The following AGBL3 variants were observed in gnomAD, a reference collection of about 807,000 sequenced individuals.
AGBL3 encodes the protein AGBL carboxypeptidase 3, also known as cytosolic carboxypeptidase 3.
AGBL3 carries 68 observed loss-of-function variants against 94.5 expected under a neutral mutation model. The ratio of observed to expected loss-of-function variants is 0.72; its 90% CI spans 0.59 to 0.88. The LOEUF (loss-of-function observed/expected upper bound fraction) is 0.88, where lower values mean the gene tolerates loss of function less well. Ranked by LOEUF, AGBL3 falls within the 40% of genes least tolerant of loss-of-function variation. The probability of loss-of-function intolerance (pLI) is 0.00; values close to 1 mark genes in which losing one functional copy is unlikely to be tolerated. For missense variants in AGBL3, 934 were observed against 1,103.8 expected (o/e 0.85, Z 2.18); for synonymous variants, 354 against 370.7 (o/e 0.95, Z 0.52).
chr7:134,996,938 C>G (rs189746502), intron 4 of AGBL3, among the ~76,000 whole-genome samples: 1 of 152,232 alleles, frequency 6.6e-6, no homozygotes, highest in Non-Finnish European at 1.5e-5. Context: ...TTCAGAGAAG[C>G]CATTATACTC....
At chr7:135,119,498 G>A (rs969948780) in intron 16 of AGBL3, among the ~76,000 whole-genome samples, 29 of 151,732 alleles carry the variant, frequency 1.9e-4, no homozygotes, top group Non-Finnish European at 3.7e-4. Context: ...CCAAAGTGCT[G>A]GGATTACAGG....
intron 15 of AGBL3, among the ~76,000 whole-genome samples, chr7:135,101,932 G>A (rs577428458): frequency 1.3e-5 from 2 of 152,216 alleles, no homozygotes; most frequent in East Asian, 1.9e-4. Context: ...TAAGTCTCAC[G>A]AGATCCGTTG....
rs566041696 is a variant in AGBL3 at position 135,118,767 on chromosome 7, T to C, written c.2342+3156T>C. Reference sequence around the variant, plus strand: ...ATTAAAATGCTTCAAAAAACACTTATAAACACACTTGGAAGAAATAAAAAA... The same window carrying C: ...ATTAAAATGCTTCAAAAAACACTTACAAACACACTTGGAAGAAATAAAAAA... On this transcript the variant is annotated intron_variant, in intron 16 of 16. Coordinates refer to ENST00000436302, the MANE Select transcript of AGBL3 (RefSeq NM_178563.4). 2.0e-3 allele frequency among the ~76,000 whole-genome samples: 304 copies of C among 152,130 alleles called. 1 individual carries two copies. Among genetic ancestry groups the C allele is most frequent in the African/African-American group, 6.9e-3 (287 of 41,514 alleles).
chr7:135,018,159 A>T (rs1814020859), intron 5 of AGBL3, among the ~76,000 whole-genome samples: 1 of 152,200 alleles, frequency 6.6e-6, no homozygotes, highest in South Asian at 2.1e-4. Flanking sequence ...AACAGAGGAG[A>T]ACCATGTCTG....
intron 15 of AGBL3, among the ~76,000 whole-genome samples, chr7:135,095,703 T>A (rs1289233617): frequency 6.6e-6 from 1 of 152,224 alleles, no homozygotes; most frequent in Non-Finnish European, 1.5e-5. Flanking sequence ...TTACCCACCA[T>A]TCAAAGTCAC....
chr7:135,103,172 C>T (rs1044603565), intron 15 of AGBL3, among the ~76,000 whole-genome samples: 4 of 152,172 alleles, frequency 2.6e-5, no homozygotes, highest in East Asian at 3.9e-4. Flanking sequence ...TTCTTTGGAA[C>T]GTGCTTCACC....
At chr7:135,133,163 C>T (rs773798702) in intron 16 of AGBL3, among the ~76,000 whole-genome samples, 1 of 152,088 alleles carries the variant, frequency 6.6e-6, no homozygotes, top group Non-Finnish European at 1.5e-5. Flanking sequence ...AAATTAATTG[C>T]TCTTCTATAA....
intron 16 of AGBL3, chr7:135,129,346 TACTAA>T: frequency 3.8e-6 from 4 of 1,065,522 alleles, no homozygotes; most frequent in African/African-American, 3.1e-5. Context: ...TTAATAGACT[TACTAA>T]ATGAATACCT....
At chr7:135,095,626 C>T (rs1260567689) in intron 15 of AGBL3, among the ~76,000 whole-genome samples, 3 of 152,188 alleles carry the variant, frequency 2.0e-5, no homozygotes, top group Non-Finnish European at 1.5e-5. Flanking sequence ...GTTATCTTTG[C>T]TTTCAGTTCC....
At chr7:135,098,888 A>T (rs1823329458) in intron 15 of AGBL3, among the ~76,000 whole-genome samples, 1 of 152,192 alleles carries the variant, frequency 6.6e-6, no homozygotes, top group African/African-American at 2.4e-5. Flanking sequence ...CAATAATAAT[A>T]TGACATATAA....
chr7:134,999,934 GCT>G (rs1352001520), intron 4 of AGBL3, among the ~76,000 whole-genome samples: 1 of 152,168 alleles, frequency 6.6e-6, no homozygotes, highest in African/African-American at 2.4e-5. Context: ...CAACCTAGTA[GCT>G]CTCTTTCAAT....
chr7:135,020,016 T>A (rs1007536036), intron 5 of AGBL3, among the ~76,000 whole-genome samples: 1 of 152,088 alleles, frequency 6.6e-6, no homozygotes, highest in Non-Finnish European at 1.5e-5. Flanking sequence ...GGATTTCATG[T>A]CTAAAACACC....
intron 4 of AGBL3, chr7:135,011,068 A>G (rs1813093688): frequency 6.6e-6 from 1 of 152,202 alleles, no homozygotes; most frequent in South Asian, 2.1e-4. Context: ...TTATAGTAAT[A>G]TATGGCATTG....
chr7:135,086,278 A>C, intron 15 of AGBL3, among the ~76,000 whole-genome samples: 1 of 152,056 alleles, frequency 6.6e-6, no homozygotes, highest in East Asian at 1.9e-4. Context: ...AAACAGGGAC[A>C]ATTTGACTTC....
chr7:135,094,156 ACTTACTATTTAAACAGATAATAAGGGGC>A (rs1345559973), intron 15 of AGBL3: 3 of 328,232 alleles, frequency 9.1e-6, no homozygotes, highest in Non-Finnish European at 1.8e-5. Context: ...GAAAATATAG[ACTTACTATTTAAACAGATAATAAGGGGC>A]CTTCTCGTTT....
chr7:135,110,248 T>C (rs1351874681), intron 15 of AGBL3, among the ~76,000 whole-genome samples: 1 of 152,126 alleles, frequency 6.6e-6, no homozygotes, highest in Non-Finnish European at 1.5e-5. Flanking sequence ...GGTCTTATCC[T>C]GAGATGTGCT....
In AGBL3 at chr7:135,021,281, T is replaced by C. The variant is rs141830756; in HGVS notation, c.418+4122T>C. Among the ~76,000 whole-genome samples, 1,193 of 152,002 alleles carry C rather than the reference T, an allele frequency of 7.8e-3. 8 individuals carry two copies. The highest frequency in any genetic ancestry group is 0.018 in the East Asian group (95 of 5,170). Reference sequence around the variant, plus strand: ...CATTTGTATAGTGCATATATATTTTTCCATCATTTTACTTTTTTTTTTTTT... The same window carrying C: ...CATTTGTATAGTGCATATATATTTTCCCATCATTTTACTTTTTTTTTTTTT... On this transcript the variant is annotated intron_variant, in intron 5 of 16. Transcript: ENST00000436302.
chr7:135,077,761 A>G (rs1288704440), intron 13 of AGBL3, among the ~76,000 whole-genome samples: 1 of 152,122 alleles, frequency 6.6e-6, no homozygotes, highest in Non-Finnish European at 1.5e-5. Context: ...TTCACATACC[A>G]GTTAAACTCG....
chr7:134,997,446 A>G (rs915438671), intron 4 of AGBL3, among the ~76,000 whole-genome samples: 14 of 152,214 alleles, frequency 9.2e-5, no homozygotes, highest in Non-Finnish European at 1.9e-4. Flanking sequence ...TCTCCCAGCC[A>G]TAATGTGAGA....
Sources: allele counts gnomAD v4.1 joint callset (sites outside exome capture counted in the v4.1 genomes callset), GRCh38; gene constraint gnomAD v4.1.1; transcripts MANE v1.5; gene names NCBI Gene and HGNC (gene_info 2026-07-23, HGNC 2026-07-21).